The following GH1 variants were observed in gnomAD, a reference collection of about 807,000 sequenced individuals.
GH1 encodes the protein somatotropin.
In GH1, 13 loss-of-function variants were observed where a neutral mutation model predicts 24.5. The observed-to-expected ratio is 0.53, with a 90% CI of 0.35 to 0.85. The LOEUF (loss-of-function observed/expected upper bound fraction) is 0.85, where lower values mean the gene tolerates loss of function less well. GH1 is among the 40% of genes least tolerant of loss of function. The pLI is 0.01. For synonymous variants in GH1, 126 were observed against 116.3 expected, an observed-to-expected ratio of 1.08 and a Z score of -0.54; for missense variants, 294 against 273.2, an observed-to-expected ratio of 1.08 and a Z score of -0.54.
rs1187180300 is a variant in GH1 at position 63,917,481 on chromosome 17, G to T, written c.482C>A (p.Thr161Asn). The T allele has an allele frequency of 1.2e-6, 2 of 1,613,998 alleles. No individual in the cohort carries two copies. The highest frequency in any genetic ancestry group is 1.7e-6 in the Non-Finnish European group (2 of 1,179,870). The change falls in exon 5 of 5, where the codon ACT becomes AAT. Residue 161 changes from threonine to asparagine, a missense_variant. By Grantham distance (65) the Thr-to-Asn change is moderately conservative (BLOSUM62 0). Coordinates refer to ENST00000323322, the MANE Select transcript of GH1 (RefSeq NM_000515.5). ...GTAGGTCTGCTTGAAGATCTGCCCA[G>T]TCCGGGGGCTGCCATCTTCCAGCCT... ...MGRLEDGSPR[T>N]GQIFKQTYSK...
rs780382626 is a variant in GH1, at chr17:63,918,405, T to G, written c.112A>C (p.Asn38His). ...PTIPLSRLFDNAMLRAHRLHQ... is the reference protein window; with the variant it reads ...PTIPLSRLFDHAMLRAHRLHQ... ...AGACGATGGGCGCGGAGCATAGCGTTGTCAAAAAGCCTGGATAAGGGAATG... is the reference window on the plus strand; with the variant it reads ...AGACGATGGGCGCGGAGCATAGCGTGGTCAAAAAGCCTGGATAAGGGAATG... Residue 38 changes from asparagine to histidine, a missense_variant, in exon 2 of 5, where the codon AAC becomes CAC. By Grantham distance (68) the Asn-to-His change is moderately conservative. Transcript: ENST00000323322. 8.6e-5 allele frequency: 139 copies of G among 1,613,978 alleles called. No homozygotes were observed. Among genetic ancestry groups the G allele is most frequent in the South Asian group, 5.9e-4 (54 of 91,076 alleles).
chr17:63,918,767 C>T lies in GH1; in HGVS notation c.10G>A (p.Gly4Ser). 4.3e-6 allele frequency: 7 copies of T among 1,613,986 alleles called. No individual in the cohort carries two copies. Among genetic ancestry groups the T allele is most frequent in the Non-Finnish European group, 5.9e-6 (7 of 1,179,872 alleles). The change falls in exon 1 of 5, where the codon GGC (glycine) becomes AGC (serine). Residue 4 changes from glycine (G) to serine (S), a missense_variant and splice_region_variant. Coordinates refer to ENST00000323322, the MANE Select transcript of GH1 (RefSeq NM_000515.5). Reference protein sequence around the residue: MATGSRTSLLLAFG... With the variant: MATSSRTSLLLAFG... ...CCAAAGGGATTTTAGGGGCGCTTAC[C>T]TGTAGCCATTGCAGCTAGGTGAGCT... is the stretch of plus-strand genomic sequence containing the variant.
In GH1 at chr17:63,917,664, G is replaced by A. The variant is rs71640279; in HGVS notation, c.456+96C>T. Reference sequence around the variant, plus strand: ...AATAAGGTGAGTTCTCTTGGGTCAGGGCCTGACTGCTAAAAAGAGGGCAGC... The same window carrying A: ...AATAAGGTGAGTTCTCTTGGGTCAGAGCCTGACTGCTAAAAAGAGGGCAGC... On this transcript the variant is annotated intron_variant, in intron 4 of 4. Transcript: ENST00000323322. 21 of 1,613,856 alleles carry A rather than the reference G, an allele frequency of 1.3e-5. No individual in the cohort carries two copies. The South Asian group carries it at 2.2e-4, about 17-fold the overall frequency.
At chr17:63,918,185 T>C (rs1212534919) in intron 2 of GH1, 49 bp from the exon 3 acceptor site, 7 of 1,613,974 alleles carry the variant, frequency 4.3e-6, no homozygotes, top group Middle Eastern at 1.6e-4. Flanking sequence ...CCAGCTCCCA[T>C]TGTTACTTTT....
intron 4 of GH1, 73 bp downstream of exon 4, chr17:63,917,687 A>G: frequency 6.2e-7 from 1 of 1,614,156 alleles, no homozygotes; most frequent in Non-Finnish European, 8.5e-7. Flanking sequence ...AAAAGAGGGC[A>G]GCAGTGTTTC....
intron 1 of GH1, 109 bp from the exon 2 acceptor site, chr17:63,918,615 A>T: frequency 4.3e-6 from 7 of 1,610,012 alleles, no homozygotes; most frequent in Non-Finnish European, 5.9e-6. Context: ...AGGGACCAGG[A>T]GCTTTCTGAG....
Position 63,918,509 on chromosome 17 carries a change from G to A in GH1, c.11-3C>T, listed in dbSNP as rs776343106. On this transcript the variant is annotated splice_region_variant and splice_polypyrimidine_tract_variant and intron_variant, in intron 1 of 4. Transcript: ENST00000323322. ...CAGGAGCAGGGACGTCCGGGAGCCT[G>A]GGGAGAAACCAGAGGGCAACAGAGG... The A allele has an allele frequency of 7.4e-5, 120 of 1,613,872 alleles. No individual in the cohort carries two copies. Among genetic ancestry groups the A allele is most frequent in the Non-Finnish European group, 9.9e-5 (117 of 1,180,010 alleles).
chr17:63,918,503 G>A lies in GH1; in HGVS notation c.14C>T (p.Ser5Phe). The change falls in exon 2 of 5, where the codon TCC becomes TTC. Residue 5 changes from serine to phenylalanine, a missense_variant. By Grantham distance (155) the Ser-to-Phe change is radical. Coordinates refer to ENST00000323322, the MANE Select transcript of GH1 (RefSeq NM_000515.5). Reference sequence around the variant, plus strand: ...AAAAGCCAGGAGCAGGGACGTCCGGGAGCCTGGGGAGAAACCAGAGGGCAA... The same window carrying A: ...AAAAGCCAGGAGCAGGGACGTCCGGAAGCCTGGGGAGAAACCAGAGGGCAA... MATGSRTSLLLAFGL... is the reference protein window; with the variant it reads MATGFRTSLLLAFGL... The A allele has an allele frequency of 6.2e-7, 1 of 1,613,996 alleles. No individual in the cohort carries two copies. The highest frequency in any genetic ancestry group is 8.5e-7 in the Non-Finnish European group (1 of 1,180,002).
rs1410956233 is a variant in GH1, at chr17:63,917,942, G to A, written c.292-18C>T. ...TCTAGGTTCTGCAGGGGAAGGACGG[G>A]CATTGGCTGTGCTGCCCGGGGGCTC... On this transcript the variant is annotated intron_variant, in intron 3 of 4. Transcript: ENST00000323322. 1 of 1,614,012 alleles carries A rather than the reference G, an allele frequency of 6.2e-7. No homozygotes were observed. The highest frequency in any genetic ancestry group is 8.5e-7 in the Non-Finnish European group (1 of 1,180,016).
chr17:63,918,770 T>C lies in GH1; in HGVS notation c.7A>G (p.Thr3Ala), dbSNP rs2001345. The C allele has an allele frequency of 0.014, 22,565 of 1,607,952 alleles. 537 individuals are homozygous for C. Among genetic ancestry groups the C allele is most frequent in the African/African-American group, 0.091 (6,698 of 73,790 alleles). MA[T>A]GSRTSLLLAF... is the part of the protein sequence containing the mutation. ...AAGGGATTTTAGGGGCGCTTACCTG[T>C]AGCCATTGCAGCTAGGTGAGCTGTC... Residue 3 changes from threonine to alanine, a missense_variant, in exon 1 of 5, where the codon ACA becomes GCA. Coordinates refer to ENST00000323322, the MANE Select transcript of GH1 (RefSeq NM_000515.5).
chr17:63,918,098 G>GAA lies in GH1; in HGVS notation c.208_209dup (p.Leu71SerfsTer30). On this transcript the variant is annotated frameshift_variant, in exon 3 of 5. Transcript: ENST00000323322. LOFTEE classifies it high-confidence loss of function. ...AGAGGGAGGTCTGGGGGTTCTGCAG[G>GAA]AATGAATACTTCTGTTCCTTTGGGA... 6.2e-7 allele frequency: 1 copy of GAA among 1,614,174 alleles called. No homozygotes were observed. Among genetic ancestry groups the GAA allele is most frequent in the Non-Finnish European group, 8.5e-7 (1 of 1,180,022 alleles).
At chr17:63,918,569 T>G in intron 1 of GH1, 63 bp from the exon 2 acceptor site, 2 of 1,612,166 alleles carry the variant, frequency 1.2e-6, no homozygotes, top group East Asian at 4.5e-5. Context: ...CTCTCCCTGC[T>G]CCAGGAGCTG....
intron 2 of GH1, 73 bp downstream of exon 2, chr17:63,918,273 C>T (rs1280536656): frequency 1.4e-5 from 22 of 1,610,568 alleles, no homozygotes; most frequent in Middle Eastern, 1.6e-4. Context: ...TAGTCTCCTC[C>T]TCTTATTTCC....
chr17:63,917,999 G>A lies in GH1; in HGVS notation c.291+18C>T. ...CAGGTCTCCCCCATCCCCGCCTGGG[G>A]AGAAGGCATCCACTCACGGATTTCT... On this transcript the variant is annotated intron_variant, in intron 3 of 4. Transcript: ENST00000323322. The A allele has an allele frequency of 1.2e-6, 2 of 1,614,222 alleles. No individual in the cohort carries two copies. The highest frequency in any genetic ancestry group is 1.7e-6 in the Non-Finnish European group (2 of 1,180,028).
rs41295249 is a variant in GH1 at position 63,917,643 on chromosome 17, A to C, written c.456+117T>G. The C allele has an allele frequency of 4.2e-3, 6,748 of 1,613,932 alleles. 15 individuals carry two copies. Among genetic ancestry groups the C allele is most frequent in the Non-Finnish European group, 5.0e-3 (5,893 of 1,179,804 alleles). On this transcript the variant is annotated intron_variant, in intron 4 of 4. Transcript: ENST00000323322. ...GATTCACGAGGGGAAATGAAGAATA[A>C]GGTGAGTTCTCTTGGGTCAGGGCCT...
At position 63,917,337 on chromosome 17, in the gene GH1, C is replaced by T. The variant is rs137853223; in HGVS notation, c.626G>A (p.Arg209His). Residue 209 changes from arginine (R) to histidine (H), a missense_variant, in exon 5 of 5, where the codon CGC becomes CAC. Arg to His is a conservative substitution (Grantham distance 29, BLOSUM62 0). Coordinates refer to ENST00000323322, the MANE Select transcript of GH1 (RefSeq NM_000515.5). The stretch of plus-strand genomic sequence containing the variant: ...GAAGCCACAGCTGCCCTCCACAGAG[C>T]GGCACTGCACGATGCGCAGGAATGT... ...VETFLRIVQC[R>H]SVEGSCGF The T allele has an allele frequency of 2.5e-6, 4 of 1,613,916 alleles. No homozygotes were observed. Among genetic ancestry groups the T allele is most frequent in the African/African-American group, 1.3e-5 (1 of 74,922 alleles).
intron 4 of GH1, 77 bp downstream of exon 4, chr17:63,917,683 G>A: frequency 1.2e-6 from 2 of 1,614,132 alleles, no homozygotes; most frequent in Non-Finnish European, 1.7e-6. Flanking sequence ...GCTAAAAAGA[G>A]GGCAGCAGTG....
rs1239821401 is a variant in GH1 at position 63,918,039 on chromosome 17, C to T, written c.269G>A (p.Arg90Lys). ...FSESIPTPSNREETQQKSNLE... is the reference protein window; with the variant it reads ...FSESIPTPSNKEETQQKSNLE... The stretch of plus-strand genomic sequence containing the variant: ...CACGGATTTCTGTTGTGTTTCCTCC[C>T]TGTTGGAGGGTGTCGGAATAGACTC... The change falls in exon 3 of 5, where the codon AGG becomes AAG. Residue 90 changes from arginine (R) to lysine (K), a missense_variant. Transcript: ENST00000323322. The T allele has an allele frequency of 1.1e-5, 18 of 1,614,194 alleles. No individual in the cohort carries two copies. Among genetic ancestry groups the T allele is most frequent in the Non-Finnish European group, 1.4e-5 (16 of 1,180,022 alleles).
At position 63,918,476 on chromosome 17, in the gene GH1, C is replaced by G. The variant is rs372110326; in HGVS notation, c.41G>C (p.Gly14Ala). The G allele has an allele frequency of 8.9e-5, 144 of 1,614,016 alleles. No homozygotes were observed. Among genetic ancestry groups the G allele is most frequent in the African/African-American group, 2.4e-4 (18 of 74,906 alleles). The change falls in exon 2 of 5, where the codon GGC (glycine) becomes GCC (alanine). Residue 14 changes from glycine to alanine, a missense_variant. Physicochemically the swap from Gly to Ala is moderately conservative, Grantham distance 60. Transcript: ENST00000323322. ...TTGAAGCCAGGGCAGGCAGAGCAGG[C>G]CAAAAGCCAGGAGCAGGGACGTCCG... ...GSRTSLLLAF[G>A]LLCLPWLQEG...
Sources: gnomAD v4.1 joint callset for allele counts on GRCh38, gnomAD v4.1.1 for gene constraint, MANE v1.5 for transcripts, NCBI Gene and HGNC (gene_info 2026-07-23, HGNC 2026-07-21) for gene names.